Variants in RP2 observed in about 807,000 individuals in gnomAD.
The protein encoded by RP2 is RP2 activator of ARL3 GTPase, also known as protein XRP2.
Under a neutral mutation model 20.3 loss-of-function variants are expected in RP2, and 3 were observed. The observed-to-expected ratio is 0.15, with a 90% CI of 0.07 to 0.38. The LOEUF is 0.38. RP2 is among the 10% of genes least tolerant of loss of function. The pLI, the probability that RP2 is intolerant of heterozygous loss-of-function variation, is 1.00. For missense variants in RP2, 233 were observed against 268.5 expected, an observed-to-expected ratio of 0.87 and a Z score of 0.92; for synonymous variants, 75 against 94.8, an observed-to-expected ratio of 0.79 and a Z score of 1.22.
chrX:46,843,497 G>C (rs1924662111), intron 1 of RP2, among the ~76,000 whole-genome samples: 1 of 111,661 alleles, frequency 9.0e-6, no homozygotes, highest in Non-Finnish European at 1.9e-5. Flanking sequence ...ACACCTCACT[G>C]GTAAACTAAT....
chrX:46,870,447 C>G, intron 3 of RP2, among the ~76,000 whole-genome samples: 1 of 110,656 alleles, frequency 9.0e-6, no homozygotes, highest in Non-Finnish European at 1.9e-5. Context: ...GAGTTGGGGT[C>G]TTGCCATGTT....
rs368328447 is a variant in RP2 at position 46,843,453 on chromosome X, G to A, written c.102+6251G>A. On this transcript the variant is annotated intron_variant, in intron 1 of 4. Transcript: ENST00000218340. ...AGCATAGAGAGTGAAAAGTATATGG[G>A]GCTGGAATTTTAATTTGTATTCTGC... 9.6e-4 allele frequency among the ~76,000 whole-genome samples: 107 copies of A among 111,630 alleles called. 1 individual carries two copies. In the South Asian group the frequency reaches 0.037, roughly 38 times the overall value.
At chrX:46,865,026 C>T (rs1473174405) in intron 3 of RP2, among the ~76,000 whole-genome samples, 1 of 112,018 alleles carries the variant, frequency 8.9e-6, no homozygotes, top group Non-Finnish European at 1.9e-5. Context: ...TTTAGGTTTA[C>T]AGAAAAATTG....
chrX:46,869,654 G>A (rs1237289367), intron 3 of RP2, among the ~76,000 whole-genome samples: 1 of 96,522 alleles, frequency 1.0e-5, no homozygotes, highest in Non-Finnish European at 2.1e-5. Context: ...TTGTTGCCCA[G>A]GCTGGAGTGC....
Position 46,862,638 on chromosome X carries a change from C to T in RP2, c.883+2536C>T, listed in dbSNP as rs376428284. The stretch of plus-strand genomic sequence containing the variant: ...TCGCGCCACTGCACTCCAGCCTGGG[C>T]GACAGAGCAAGACTCTGTCTCAAAA... On this transcript the variant is annotated intron_variant, in intron 3 of 4. Coordinates refer to ENST00000218340, the MANE Select transcript of RP2 (RefSeq NM_006915.3). Among the ~76,000 whole-genome samples, 556 of 110,902 alleles carry T rather than the reference C, an allele frequency of 5.0e-3. 2 individuals are homozygous for T. The highest frequency in any genetic ancestry group is 0.017 in the African/African-American group (505 of 30,424).
At chrX:46,869,606 C>CTT (rs1196606271) in intron 3 of RP2, among the ~76,000 whole-genome samples, 4 of 54,457 alleles carry the variant, frequency 7.3e-5, no homozygotes, top group Non-Finnish European at 1.4e-4. Flanking sequence ...TTCATACATA[C>CTT]TTTTTTTTTT....
chrX:46,852,331 G>A (rs903619328), intron 1 of RP2, among the ~76,000 whole-genome samples: 2 of 111,541 alleles, frequency 1.8e-5, no homozygotes, highest in Non-Finnish European at 1.9e-5. Flanking sequence ...AGGAAGGAGC[G>A]AGCTATAGTT....
chrX:46,847,458 G>A (rs1355256771), intron 1 of RP2, among the ~76,000 whole-genome samples: 2 of 107,614 alleles, frequency 1.9e-5, no homozygotes, highest in East Asian at 5.9e-4. Context: ...CTGAGACGGA[G>A]TCTTGCTGTG....
intron 2 of RP2, among the ~76,000 whole-genome samples, chrX:46,857,231 C>G (rs1217813653): frequency 5.4e-5 from 6 of 110,889 alleles, no homozygotes; most frequent in Non-Finnish European, 3.8e-5. Context: ...CCATAGGGAG[C>G]CAAGAGAAGT....
At chrX:46,874,557 T>TA (rs1215638051) in intron 3 of RP2, among the ~76,000 whole-genome samples, 19 of 107,629 alleles carry the variant, frequency 1.8e-4, no homozygotes, top group African/African-American at 2.7e-4. Flanking sequence ...TTGCCATACT[T>TA]AAAAAAAAAA....
intron 3 of RP2, among the ~76,000 whole-genome samples, chrX:46,862,189 T>C (rs1447786736): frequency 5.3e-5 from 5 of 95,177 alleles, no homozygotes; most frequent in African/African-American, 7.9e-5. Context: ...CTGGCCAACA[T>C]GGTGAAACCC....
chrX:46,872,261 G>C (rs1925305546), intron 3 of RP2, among the ~76,000 whole-genome samples: 1 of 112,256 alleles, frequency 8.9e-6, no homozygotes, highest in African/African-American at 3.2e-5. Context: ...TATTTAAAGT[G>C]AGTGTTCTGT....
intron 1 of RP2, among the ~76,000 whole-genome samples, chrX:46,843,220 G>A (rs1924657103): frequency 1.8e-5 from 2 of 110,278 alleles, no homozygotes; most frequent in South Asian, 7.9e-4. Context: ...TGTTAGCCAG[G>A]ATGGTCTCGA....
At chrX:46,852,269 A>AGGAAGGAAGGAAGGAAGTAG (rs1556318276) in intron 1 of RP2, among the ~76,000 whole-genome samples, 1 of 110,716 alleles carries the variant, frequency 9.0e-6, no homozygotes, top group Non-Finnish European at 1.9e-5. Flanking sequence ...GGAGGGAGGG[A>AGGAAGGAAGGAAGGAAGTAG]GGAAGGAAGG....
intron 3 of RP2, among the ~76,000 whole-genome samples, chrX:46,870,613 G>A (rs1312390782): frequency 2.7e-5 from 3 of 111,554 alleles, no homozygotes; most frequent in Non-Finnish European, 5.6e-5. Context: ...GAAAAATACG[G>A]CACTACCTAG....
chrX:46,869,582 G>A (rs1432191612), intron 3 of RP2, among the ~76,000 whole-genome samples: 1 of 85,619 alleles, frequency 1.2e-5, no homozygotes, highest in Non-Finnish European at 2.2e-5. Context: ...GTGCCCGGCC[G>A]TCAGTTGTAG....
At chrX:46,855,741 A>G (rs1463523123) in intron 2 of RP2, among the ~76,000 whole-genome samples, 1 of 110,757 alleles carries the variant, frequency 9.0e-6, no homozygotes, top group Non-Finnish European at 1.9e-5. Flanking sequence ...TGCTGGGATT[A>G]TAGGCGAGAG....
At position 46,879,727 on chromosome X, in the gene RP2, A is replaced by G; in HGVS notation, c.1011A>G (p.Val337=). The change falls in exon 5 of 5, where the codon GTA becomes GTG. Residue 337 remains valine, a synonymous_variant. Coordinates refer to ENST00000218340, the MANE Select transcript of RP2 (RefSeq NM_006915.3). ...GCAAGGAGACGGCATCTGGAGATGT[A>G]GACAGCTTCTACAACTTTGCTGATA... ...SESKETASGD[V]DSFYNFADIQ... is the part of the protein sequence containing the mutation. The G allele has an allele frequency of 8.3e-7, 1 of 1,203,240 alleles. No individual in the cohort carries two copies. The highest frequency in any genetic ancestry group is 1.1e-6 in the Non-Finnish European group (1 of 888,757).
intron 3 of RP2, among the ~76,000 whole-genome samples, chrX:46,873,999 T>G (rs1602354177): frequency 9.1e-6 from 1 of 110,087 alleles, no homozygotes; most frequent in Non-Finnish European, 1.9e-5. Context: ...CCCCTCATAT[T>G]TCCTCTACAT....
Sources: gnomAD v4.1 joint callset for allele counts (sites outside exome capture counted in the v4.1 genomes callset) on GRCh38, gnomAD v4.1.1 for gene constraint, MANE v1.5 for transcripts, NCBI Gene and HGNC (gene_info 2026-07-23, HGNC 2026-07-21) for gene names.